ETV1: variants seen among roughly 807,000 people sequenced by gnomAD.
ETV1 encodes the protein ETS translocation variant 1.
ETV1 carries 27 observed loss-of-function variants against 62.3 expected under a neutral mutation model. The ratio of observed to expected loss-of-function variants is 0.43; its 90% confidence interval spans 0.32 to 0.60. The LOEUF (loss-of-function observed/expected upper bound fraction) is 0.60, where lower values mean the gene tolerates loss of function less well. Among genes scored for constraint, ETV1 ranks in the 20% least tolerant of loss-of-function variants. The probability of loss-of-function intolerance (pLI) is 0.06; values close to 1 mark genes in which losing one functional copy is unlikely to be tolerated. For missense variants in ETV1, 605 were observed against 605.8 expected (o/e 1.00, Z 0.01); for synonymous variants, 222 against 199.6 (o/e 1.11, Z -0.94).
At chr7:13,987,979 T>A in intron 4 of ETV1, 107 bp downstream of exon 4, 2 of 671,700 alleles carry the variant, frequency 3.0e-6, no homozygotes, top group Non-Finnish European at 5.3e-6. Context: ...GATTCAGTAA[T>A]TTCAAAGTTT....
Position 13,892,398 on chromosome 7 carries a change from A to C in ETV1, c.*3468T>G, listed in dbSNP as rs1781442115. On this transcript the variant is annotated 3_prime_UTR_variant, in exon 14 of 14. Transcript: ENST00000430479. ...AAAGTTTTCAAAATTATTTATGCAG[A>C]ATAAGGGGAAAATATCTCAGTGGTA... The C allele has an allele frequency of 4.3e-6, 1 of 232,602 alleles. No individual in the cohort carries two copies. 14.4% of individuals were successfully genotyped at this position (232,602 alleles called of 1,614,324 possible).
intron 9 of ETV1, among the ~76,000 whole-genome samples, chr7:13,924,495 G>A (rs764396240): frequency 3.3e-5 from 5 of 152,064 alleles, no homozygotes; most frequent in South Asian, 2.1e-4. Context: ...ACCTCACTGC[G>A]GTGAACACCT....
chr7:13,911,171 C>T (rs962739541), intron 10 of ETV1, 68 bp downstream of exon 10: 32 of 1,011,804 alleles, frequency 3.2e-5, no homozygotes, highest in Middle Eastern at 4.2e-4. Flanking sequence ...AATTAAATGA[C>T]GTCATATTTG....
At chr7:13,931,238 G>A (rs940408098) in intron 9 of ETV1, among the ~76,000 whole-genome samples, 1 of 152,188 alleles carries the variant, frequency 6.6e-6, no homozygotes, top group Non-Finnish European at 1.5e-5. Flanking sequence ...TCCCTCTCGA[G>A]CTGAGACTGT....
Position 13,895,843 on chromosome 7 carries a change from G to T in ETV1, c.*23C>A, listed in dbSNP as rs757831005. The T allele has an allele frequency of 2.5e-6, 4 of 1,569,596 alleles. No individual in the cohort carries two copies. In the Admixed American group the frequency reaches 5.1e-5, roughly 20 times the overall value. On this transcript the variant is annotated 3_prime_UTR_variant, in exon 14 of 14. Transcript: ENST00000430479. ...CAGAAAAAAGGAAAAGCGCAAAAAC[G>T]CCCTGCTTGACTGTCACTTGTGTTA...
At chr7:13,960,181 T>C (rs1174602456) in intron 6 of ETV1, among the ~76,000 whole-genome samples, 2 of 152,206 alleles carry the variant, frequency 1.3e-5, no homozygotes, top group African/African-American at 2.4e-5. Context: ...AGGGAAGATA[T>C]GCTACCAGTA....
At chr7:13,983,692 G>C (rs1244453265) in intron 5 of ETV1, among the ~76,000 whole-genome samples, 3 of 138,198 alleles carry the variant, frequency 2.2e-5, no homozygotes, top group African/African-American at 8.2e-5. Context: ...TAAGATAATT[G>C]TTTTAAACTG....
intron 9 of ETV1, among the ~76,000 whole-genome samples, chr7:13,922,874 GA>G (rs374161306): frequency 6.6e-6 from 1 of 152,308 alleles, no homozygotes; most frequent in African/African-American, 2.4e-5. Context: ...AAGGATGAAA[GA>G]AAAGTGTATT....
At chr7:13,966,165 A>C (rs866469164) in intron 6 of ETV1, among the ~76,000 whole-genome samples, 3 of 152,220 alleles carry the variant, frequency 2.0e-5, no homozygotes, top group Admixed American at 6.5e-5. Flanking sequence ...GTAAATAGTA[A>C]TACTTAACAG....
In ETV1 at chr7:13,988,159, T is replaced by A; in HGVS notation, c.60A>T (p.Arg20Ser). The A allele has an allele frequency of 6.2e-7, 1 of 1,609,726 alleles. No homozygotes were observed. The highest frequency in any genetic ancestry group is 1.1e-5 in the South Asian group (1 of 90,988). Reference protein sequence around the residue: ...PYMVTNSQRGRNCNEKPTNVR... With the variant: ...PYMVTNSQRGSNCNEKPTNVR... Reference sequence around the variant, plus strand: ...CATTTGTTGGTTTCTCGTTACAATTTCTCCCACGCTGACTCTACAAAGGGA... The same window carrying A: ...CATTTGTTGGTTTCTCGTTACAATTACTCCCACGCTGACTCTACAAAGGGA... Residue 20 changes from arginine (R) to serine (S), a missense_variant, in exon 4 of 14, where the codon AGA (arginine) becomes AGT (serine). This residue lies in a region of ETV1 where 426 missense variants were observed against 377.8 expected (regional missense o/e 1.13). Coordinates refer to ENST00000430479, the MANE Select transcript of ETV1 (RefSeq NM_004956.5).
chr7:13,966,999 C>A (rs1321622962), intron 6 of ETV1, among the ~76,000 whole-genome samples: 1 of 152,114 alleles, frequency 6.6e-6, no homozygotes, highest in Non-Finnish European at 1.5e-5. Flanking sequence ...CAGACTACAA[C>A]TGTGTAGCAT....
In ETV1 at chr7:13,892,079, A is replaced by G. The variant is rs1049014504; in HGVS notation, c.*3787T>C. On this transcript the variant is annotated 3_prime_UTR_variant, in exon 14 of 14. Transcript: ENST00000430479. The stretch of plus-strand genomic sequence containing the variant: ...ATAAAGATAAGTTGACTCATTTTGC[A>G]ATTGTTCTTTTGAGTAATAGACATA... 1.3e-5 allele frequency: 3 copies of G among 232,264 alleles called. No individual in the cohort carries two copies. The highest frequency in any genetic ancestry group is 6.6e-5 in the African/African-American group (3 of 45,326). The allele number at this position is 232,264 out of a possible 1,614,324, so 14.4% of individuals were successfully genotyped here.
Position 13,906,642 on chromosome 7 carries a change from T to C in ETV1, c.941-43A>G, listed in dbSNP as rs370803356. On this transcript the variant is annotated intron_variant, in intron 11 of 13. Coordinates refer to ENST00000430479, the MANE Select transcript of ETV1 (RefSeq NM_004956.5). ...TAAGTTTCTATTATTAGCAATACTA[T>C]GCTATCTTACATAAAATGTACATTA... 1.8e-5 allele frequency: 25 copies of C among 1,411,620 alleles called. No homozygotes were observed. In the African/African-American group the frequency reaches 3.3e-4, roughly 19 times the overall value. 87.4% of individuals were successfully genotyped at this position (1,411,620 alleles called of 1,614,324 possible).
intron 5 of ETV1, chr7:13,986,273 C>A: frequency 6.6e-7 from 1 of 1,513,654 alleles, no homozygotes; most frequent in Non-Finnish European, 8.8e-7. Context: ...AAGGAAACAG[C>A]AAGCCAGCCG....
chr7:13,957,277 G>T (rs113021370), intron 6 of ETV1, among the ~76,000 whole-genome samples: 1 of 151,818 alleles, frequency 6.6e-6, no homozygotes, highest in African/African-American at 2.4e-5. Flanking sequence ...TAGTAGTGAC[G>T]GGGTTTCACC....
At chr7:13,922,952 T>C (rs1016232039) in intron 9 of ETV1, among the ~76,000 whole-genome samples, 1 of 152,168 alleles carries the variant, frequency 6.6e-6, no homozygotes, top group Non-Finnish European at 1.5e-5. Flanking sequence ...TAGCAATAAA[T>C]TGTTTTTTAA....
intron 6 of ETV1, among the ~76,000 whole-genome samples, chr7:13,951,161 T>C (rs143254914): frequency 1.8e-4 from 27 of 152,130 alleles, no homozygotes; most frequent in African/African-American, 5.5e-4. Flanking sequence ...GAAATCATCA[T>C]ATGTACAAGT....
chr7:13,967,620 C>T (rs1780436844), intron 6 of ETV1, among the ~76,000 whole-genome samples: 1 of 152,016 alleles, frequency 6.6e-6, no homozygotes, highest in African/African-American at 2.4e-5. Flanking sequence ...CACCAACTCT[C>T]ATTAGGAAAA....
At position 13,918,586 on chromosome 7, in the gene ETV1, T is replaced by C. The variant is rs573114267; in HGVS notation, c.803-7279A>G. Among the ~76,000 whole-genome samples the C allele has an allele frequency of 2.0e-5, 3 of 151,636 alleles. No homozygotes were observed. In the East Asian group the frequency reaches 5.9e-4, roughly 30 times the overall value. Reference sequence around the variant, plus strand: ...TGAGTTCATGTCCTTTGTAGGGACATGGATGAAATTGGAAATCATCATTCT... The same window carrying C: ...TGAGTTCATGTCCTTTGTAGGGACACGGATGAAATTGGAAATCATCATTCT... On this transcript the variant is annotated intron_variant, in intron 9 of 13. Transcript: ENST00000430479.
Sources: allele counts gnomAD v4.1 joint callset (sites outside exome capture counted in the v4.1 genomes callset), GRCh38; gene constraint gnomAD v4.1.1; regional missense constraint gnomAD v4.1.1; transcripts MANE v1.5; gene names NCBI Gene and HGNC (gene_info 2026-07-23, HGNC 2026-07-21).